Variants in BLVRA observed in about 807,000 individuals in gnomAD.
The protein encoded by BLVRA is BVR A.
BLVRA carries 22 observed loss-of-function variants against 32.8 expected under a neutral mutation model. The ratio of observed to expected loss-of-function variants is 0.67; its 90% CI spans 0.48 to 0.96. The LOEUF (loss-of-function observed/expected upper bound fraction) is 0.96. Among genes scored for constraint, BLVRA ranks in the 40% least tolerant of loss-of-function variants. The pLI, the probability that BLVRA is intolerant of heterozygous loss-of-function variation, is 0.00. For synonymous variants in BLVRA, 119 were observed against 141.3 expected, an observed-to-expected ratio of 0.84 and a Z score of 1.12; for missense variants, 323 against 358.1, an observed-to-expected ratio of 0.90 and a Z score of 0.79.
chr7:43,768,941 T>C (rs998075185), intron 1 of BLVRA, among the ~76,000 whole-genome samples: 3 of 151,952 alleles, frequency 2.0e-5, no homozygotes, highest in East Asian at 1.9e-4. Flanking sequence ...ATTTTTTTTT[T>C]TTTTAAATGA....
chr7:43,767,564 G>T, intron 1 of BLVRA: 1 of 1,024,628 alleles, frequency 9.8e-7, no homozygotes. Context: ...CTGGAATGAA[G>T]GCTCATGACA....
chr7:43,783,342 G>C (rs2095772472), intron 2 of BLVRA, among the ~76,000 whole-genome samples: 1 of 152,160 alleles, frequency 6.6e-6, no homozygotes, highest in African/African-American at 2.4e-5. Flanking sequence ...AACATAGACA[G>C]TATCTTTTTC....
In BLVRA at chr7:43,803,329, A is replaced by G. The variant is rs200733581; in HGVS notation, c.461-347A>G. ...ATGTGTTGTGTGTGTGTGTGTGTGT[A>G]TGTATATCTACATATGTGTACATAG... On this transcript the variant is annotated intron_variant, in intron 6 of 7. Transcript: ENST00000265523. Among the ~76,000 whole-genome samples the G allele has an allele frequency of 6.3e-3, 860 of 136,540 alleles. 10 individuals carry two copies. Among genetic ancestry groups the G allele is most frequent in the African/African-American group, 0.023 (829 of 36,494 alleles). 89.6% of individuals were successfully genotyped at this position (136,540 alleles called of 152,430 possible). A position where few individuals can be genotyped will look rare whatever the true frequency, so the allele number is the denominator to read the frequency against.
Position 43,787,605 on chromosome 7 carries a change from G to A in BLVRA, c.13-299G>A, listed in dbSNP as rs1355432588. On this transcript the variant is annotated intron_variant, in intron 2 of 7. Transcript: ENST00000265523. This position sits in a 1 kb window ranked among gnomAD's most constrained non-coding sequence, Gnocchi z 4.5. ...TAATGGGGAAAGCTCCCTCATTATTGGAGATGGGGCAGTAGAAGTGGAGAG... is the reference window on the plus strand; with the variant it reads ...TAATGGGGAAAGCTCCCTCATTATTAGAGATGGGGCAGTAGAAGTGGAGAG... Among the ~76,000 whole-genome samples the A allele has an allele frequency of 6.6e-6, 1 of 152,184 alleles. No homozygotes were observed. Among genetic ancestry groups the A allele is most frequent in the Non-Finnish European group, 1.5e-5 (1 of 68,028 alleles).
intron 1 of BLVRA, among the ~76,000 whole-genome samples, chr7:43,763,999 A>G (rs1365049571): frequency 1.3e-5 from 2 of 152,238 alleles, no homozygotes; most frequent in Non-Finnish European, 2.9e-5. Context: ...TTGAGGATGC[A>G]GATAACACGT....
upstream of BLVRA, among the ~76,000 whole-genome samples, chr7:43,758,283 C>T (rs1799077): frequency 0.014 from 2,011 of 142,586 alleles, 52 homozygotes; most frequent in African/African-American, 0.046. Context: ...GTGGGTTCTA[C>T]GTGGTGAGTG....
At chr7:43,788,179 G>A (rs2095780600) in intron 3 of BLVRA, among the ~76,000 whole-genome samples, 154 bp downstream of exon 3, 2 of 152,206 alleles carry the variant, frequency 1.3e-5, no homozygotes, top group South Asian at 2.1e-4. Context: ...TCTCAGGTTG[G>A]GATGGGTCTG....
chr7:43,780,368 C>T (rs1211305174), intron 2 of BLVRA, among the ~76,000 whole-genome samples: 1 of 152,192 alleles, frequency 6.6e-6, no homozygotes, highest in Non-Finnish European at 1.5e-5. Flanking sequence ...TTGATGTAGT[C>T]ACCAATATTT....
At chr7:43,761,857 C>T (rs1237437923) in intron 1 of BLVRA, among the ~76,000 whole-genome samples, 1 of 152,160 alleles carries the variant, frequency 6.6e-6, no homozygotes, top group Non-Finnish European at 1.5e-5. Flanking sequence ...AAAAGTTTCA[C>T]CACTTAGAGA....
Position 43,774,723 on chromosome 7 carries a change from C to T in BLVRA, c.12+3553C>T, listed in dbSNP as rs1355177626. The stretch of plus-strand genomic sequence containing the variant: ...GGATGGCATTGAATATATAAATTAC[C>T]TTGGGCAGTATGGCCATTTTCACGA... On this transcript the variant is annotated intron_variant, in intron 2 of 7. Transcript: ENST00000265523. 2.0e-5 allele frequency among the ~76,000 whole-genome samples: 3 copies of T among 152,318 alleles called. No individual in the cohort carries two copies. In the East Asian group the frequency reaches 5.8e-4, roughly 29 times the overall value.
intron 6 of BLVRA, among the ~76,000 whole-genome samples, 160 bp downstream of exon 6, chr7:43,800,732 C>T (rs1160048359): frequency 6.6e-6 from 1 of 152,128 alleles, no homozygotes; most frequent in African/African-American, 2.4e-5. Flanking sequence ...CTTGGTGGCC[C>T]TTGGGTAAAG....
At chr7:43,776,191 A>G (rs2095760768) in intron 2 of BLVRA, among the ~76,000 whole-genome samples, 1 of 151,984 alleles carries the variant, frequency 6.6e-6, no homozygotes, top group Non-Finnish European at 1.5e-5. Context: ...TAGCTTTTGA[A>G]TGTGTTTGCT....
chr7:43,778,437 C>T (rs983047504), intron 2 of BLVRA, among the ~76,000 whole-genome samples: 2 of 152,178 alleles, frequency 1.3e-5, no homozygotes, highest in Non-Finnish European at 2.9e-5. Flanking sequence ...GTATCAGCAG[C>T]GGTGGCTGCA....
At chr7:43,792,625 C>G in intron 4 of BLVRA, 90 bp from the exon 5 acceptor site, 1 of 1,281,340 alleles carries the variant, frequency 7.8e-7, no homozygotes, top group Admixed American at 1.9e-5. Flanking sequence ...ACTCTCATGC[C>G]TTTATAACAT....
Position 43,803,823 on chromosome 7 carries a change from T to C in BLVRA, c.608T>C (p.Val203Ala), listed in dbSNP as rs750251555. 9.3e-6 allele frequency: 15 copies of C among 1,613,964 alleles called. No individual in the cohort carries two copies. Among genetic ancestry groups the C allele is most frequent in the Non-Finnish European group, 1.2e-5 (14 of 1,179,962 alleles). ...GAAGATCAGTATATGAAAATGACAGTGTGTCTGGAGACAGAGAAGAAAAGG... is the reference window on the plus strand; with the variant it reads ...GAAGATCAGTATATGAAAATGACAGCGTGTCTGGAGACAGAGAAGAAAAGG... ...RKEDQYMKMT[V>A]CLETEKKSPL... The change falls in exon 7 of 8, where the codon GTG (valine) becomes GCG (alanine). Residue 203 changes from valine to alanine, a missense_variant. Transcript: ENST00000265523.
At chr7:43,763,619 C>G (rs780237017) in intron 1 of BLVRA, among the ~76,000 whole-genome samples, 7 of 152,246 alleles carry the variant, frequency 4.6e-5, no homozygotes, top group Non-Finnish European at 1.0e-4. Flanking sequence ...CTTTTGACCC[C>G]TGGCTCTGTT....
chr7:43,780,806 G>A (rs1036168044), intron 2 of BLVRA, among the ~76,000 whole-genome samples: 4 of 152,144 alleles, frequency 2.6e-5, no homozygotes, highest in African/African-American at 9.7e-5. Flanking sequence ...TTTTTTATTT[G>A]TGTATGTTCA....
At chr7:43,770,131 C>G (rs1431860728) in intron 1 of BLVRA, among the ~76,000 whole-genome samples, 1 of 152,148 alleles carries the variant, frequency 6.6e-6, no homozygotes, top group Non-Finnish European at 1.5e-5. Context: ...TTTTCAGAGG[C>G]CTTCTGCCCT....
At chr7:43,769,872 G>A (rs1470959456) in intron 1 of BLVRA, among the ~76,000 whole-genome samples, 3 of 152,192 alleles carry the variant, frequency 2.0e-5, no homozygotes, top group Admixed American at 1.3e-4. Context: ...TCCTCCCAAA[G>A]TACTGGGATT....
Sources: gnomAD v4.1 joint callset for allele counts (sites outside exome capture counted in the v4.1 genomes callset) on GRCh38, gnomAD v4.1.1 for gene constraint, Gnocchi (gnomAD v3.1) non-coding constraint, MANE v1.5 for transcripts, NCBI Gene and HGNC (gene_info 2026-07-23, HGNC 2026-07-21) for gene names.